Variants in COG5 observed in about 807,000 individuals in gnomAD.
The protein encoded by COG5 is component of oligomeric golgi complex 5, also known as conserved oligomeric Golgi complex subunit 5.
COG5 carries 86 observed loss-of-function variants against 110.4 expected under a neutral mutation model. The ratio of observed to expected loss-of-function variants is 0.78; its 90% CI spans 0.65 to 0.93. The LOEUF (loss-of-function observed/expected upper bound fraction) is 0.93, where lower values mean the gene tolerates loss of function less well. COG5 is among the 40% of genes least tolerant of loss of function. The pLI, the probability that COG5 is intolerant of heterozygous loss-of-function variation, is 0.00. For synonymous variants in COG5, 360 were observed against 334.6 expected (o/e 1.08, Z -0.83); for missense variants, 1,077 against 987.0 (o/e 1.09, Z -1.22).
intron 6 of COG5, among the ~76,000 whole-genome samples, chr7:107,456,934 T>C (rs943784784): frequency 2.0e-5 from 3 of 152,180 alleles, no homozygotes; most frequent in Admixed American, 2.0e-4. Flanking sequence ...TGCCCTAATA[T>C]AGCTTAAAAA....
chr7:107,203,700 T>C (rs1798533095), intron 21 of COG5, 70 bp from the exon 22 acceptor site: 1 of 976,018 alleles, frequency 1.0e-6, no homozygotes, highest in Non-Finnish European at 1.6e-6. Context: ...GGGATACCAA[T>C]ATATAAAAAT....
chr7:107,307,588 T>C (rs1807838095), intron 11 of COG5, among the ~76,000 whole-genome samples: 1 of 152,212 alleles, frequency 6.6e-6, no homozygotes, highest in African/African-American at 2.4e-5. Context: ...ATCACAAGTA[T>C]ATCTAATAGT....
At chr7:107,209,984 G>C (rs1408288325) in intron 21 of COG5, 1 of 991,148 alleles carries the variant, frequency 1.0e-6, no homozygotes, top group Non-Finnish European at 1.2e-6. Flanking sequence ...CCCTGGGCAT[G>C]GTTGGGGTAC....
At chr7:107,251,326 A>T (rs942916061) in intron 16 of COG5, among the ~76,000 whole-genome samples, 7 of 152,180 alleles carry the variant, frequency 4.6e-5, no homozygotes, top group African/African-American at 1.7e-4. Context: ...CATTTCTGGC[A>T]AAAGAAAATT....
At chr7:107,368,761 AT>A (rs1813856652) in intron 8 of COG5, among the ~76,000 whole-genome samples, 1 of 152,168 alleles carries the variant, frequency 6.6e-6, no homozygotes, top group African/African-American at 2.4e-5. Flanking sequence ...CTTCATCATC[AT>A]CTTTCTTCAC....
chr7:107,220,800 C>T (rs571324768), intron 19 of COG5, among the ~76,000 whole-genome samples: 52 of 147,370 alleles, frequency 3.5e-4, no homozygotes, highest in South Asian at 2.0e-3. Flanking sequence ...CAAAGGATAG[C>T]GGGACTCATG....
intron 7 of COG5, among the ~76,000 whole-genome samples, chr7:107,399,678 T>G (rs1337041774): frequency 6.6e-6 from 1 of 152,218 alleles, no homozygotes; most frequent in Non-Finnish European, 1.5e-5. Context: ...GAAAACCGAC[T>G]AATTCAATTT....
At chr7:107,407,516 A>C (rs190344483) in intron 7 of COG5, among the ~76,000 whole-genome samples, 31 of 152,340 alleles carry the variant, frequency 2.0e-4, no homozygotes, top group Admixed American at 1.4e-3. Flanking sequence ...ACTAGGTCTT[A>C]ATGAACGTCA....
Position 107,258,298 on chromosome 7 carries a change from T to C in COG5, c.1661A>G (p.Tyr554Cys). 1.2e-6 allele frequency: 2 copies of C among 1,610,222 alleles called. No homozygotes were observed. The highest frequency in any genetic ancestry group is 1.7e-6 in the Non-Finnish European group (2 of 1,176,572). Residue 554 changes from tyrosine (Y) to cysteine (C), a missense_variant, in exon 15 of 22, where the codon TAT (tyrosine) becomes TGT (cysteine). Coordinates refer to ENST00000297135, the MANE Select transcript of COG5 (RefSeq NM_006348.5). The part of the protein sequence containing the change: ...RRNVAVVNSL[Y>C]KLHQSVTKVV... ...CTTTGTTACTGATTGGTGCAACTTA[T>C]ACAATGAATTCACTACTGCCACATT...
chr7:107,344,344 T>C (rs1011008294), intron 10 of COG5, among the ~76,000 whole-genome samples: 4 of 152,184 alleles, frequency 2.6e-5, no homozygotes, highest in African/African-American at 2.4e-5. Flanking sequence ...CATGAACTAA[T>C]CTCTGCTAGC....
At chr7:107,415,159 C>G (rs1011072943) in intron 6 of COG5, among the ~76,000 whole-genome samples, 4 of 152,062 alleles carry the variant, frequency 2.6e-5, no homozygotes, top group Non-Finnish European at 5.9e-5. Flanking sequence ...ATTATTTATT[C>G]AGAAGAAAAC....
At chr7:107,524,293 A>T (rs942548949) in intron 6 of COG5, among the ~76,000 whole-genome samples, 9 of 152,212 alleles carry the variant, frequency 5.9e-5, no homozygotes, top group Non-Finnish European at 1.2e-4. Context: ...GTCACTCCAC[A>T]TCCCAGTCTC....
chr7:107,362,281 G>A (rs369454560), intron 9 of COG5, 27 bp downstream of exon 9: 21 of 1,556,326 alleles, frequency 1.3e-5, no homozygotes, highest in Non-Finnish European at 1.9e-5. Context: ...CCATATTAAT[G>A]TTTTTTCCAC....
chr7:107,210,566 C>T lies in COG5; in HGVS notation c.2335G>A (p.Asp779Asn), dbSNP rs766539340. The change falls in exon 21 of 22, where the codon GAT becomes AAT. Residue 779 changes from aspartate (D) to asparagine (N), a missense_variant. Physicochemically the swap from Asp to Asn is conservative, Grantham distance 23. Coordinates refer to ENST00000297135, the MANE Select transcript of COG5 (RefSeq NM_006348.5). ...CTGTCCTTTTCAGATGGATGGTCAT[C>T]CAGCCACTGAGAGAAGCGTGTGTGG... is the stretch of plus-strand genomic sequence containing the variant. ...WSHTRFSQWL[D>N]DHPSEKDRLL... 1.3e-5 allele frequency: 21 copies of T among 1,604,966 alleles called. No homozygotes were observed. The highest frequency in any genetic ancestry group is 1.7e-5 in the Non-Finnish European group (20 of 1,175,896).
chr7:107,464,034 C>T (rs952526815), intron 6 of COG5, among the ~76,000 whole-genome samples: 20 of 152,120 alleles, frequency 1.3e-4, no homozygotes, highest in Admixed American at 1.3e-3. Flanking sequence ...ATTTCTCTCC[C>T]TCCCTAAGGT....
chr7:107,263,674 A>G (rs1290640785), intron 14 of COG5, among the ~76,000 whole-genome samples: 1 of 152,232 alleles, frequency 6.6e-6, no homozygotes, highest in African/African-American at 2.4e-5. Context: ...ATGACAAGAT[A>G]CACTATTTTT....
chr7:107,230,564 G>T (rs1266347560), intron 19 of COG5, 51 bp downstream of exon 19: 5 of 1,354,722 alleles, frequency 3.7e-6, no homozygotes, highest in Non-Finnish European at 5.3e-6. Context: ...GCACAGAAAG[G>T]ATTTATTTGC....
chr7:107,563,690 C>G, intron 1 of COG5, 113 bp downstream of exon 1: 1 of 1,237,140 alleles, frequency 8.1e-7, no homozygotes, highest in Non-Finnish European at 1.2e-6. Flanking sequence ...GGAGTGGTCA[C>G]GTCCAGACTG....
At chr7:107,348,864 CT>C (rs540887692) in intron 10 of COG5, among the ~76,000 whole-genome samples, 115 of 144,408 alleles carry the variant, frequency 8.0e-4, no homozygotes, top group Admixed American at 1.0e-3. Flanking sequence ...TAGAATTTTT[CT>C]TTTTTTTTTT....
Sources: allele counts gnomAD v4.1 joint callset (sites outside exome capture counted in the v4.1 genomes callset), GRCh38; gene constraint gnomAD v4.1.1; transcripts MANE v1.5; gene names NCBI Gene and HGNC (gene_info 2026-07-23, HGNC 2026-07-21).